CSMD1: variants seen among roughly 807,000 people sequenced by gnomAD.
CSMD1 encodes the protein CUB and sushi domain-containing protein 1.
In CSMD1, 213 loss-of-function variants were observed where a neutral mutation model predicts 417.5. The ratio of observed to expected loss-of-function variants is 0.51; its 90% CI spans 0.46 to 0.57. The LOEUF (loss-of-function observed/expected upper bound fraction) is 0.57. Ranked by LOEUF, CSMD1 falls within the 20% of genes least tolerant of loss-of-function variation. CSMD1 has a pLI of 0.00. For synonymous variants in CSMD1, 2,862 were observed against 1,736.8 expected (o/e 1.65, Z -16.11); for missense variants, 6,923 against 4,529.7 (o/e 1.53, Z -15.17).
intron 3 of CSMD1, among the ~76,000 whole-genome samples, chr8:4,239,650 G>T (rs147225212): frequency 1.3e-5 from 2 of 152,148 alleles, no homozygotes; most frequent in Non-Finnish European, 2.9e-5. Flanking sequence ...AGCCATGCTC[G>T]GGGTCACAGA....
At chr8:3,824,665 G>C (rs1238086152) in intron 5 of CSMD1, among the ~76,000 whole-genome samples, 2 of 152,042 alleles carry the variant, frequency 1.3e-5, no homozygotes, top group Non-Finnish European at 2.9e-5. Flanking sequence ...GTTATATATT[G>C]AGTTAATGAT....
chr8:4,153,376 G>C (rs1585434276), intron 3 of CSMD1, among the ~76,000 whole-genome samples: 1 of 152,306 alleles, frequency 6.6e-6, no homozygotes. Context: ...GGAAGCAACA[G>C]TGTAATACTC....
At chr8:3,949,869 C>G in intron 5 of CSMD1, 1 of 455,448 alleles carries the variant, frequency 2.2e-6, no homozygotes, top group South Asian at 1.6e-5. Flanking sequence ...ATGGCCTCCT[C>G]ATTCAGCCCC....
chr8:4,031,978 G>C lies in CSMD1; in HGVS notation c.537C>G (p.Gly179=), dbSNP rs372142170. The C allele has an allele frequency of 4.0e-5, 65 of 1,613,846 alleles. No individual in the cohort carries two copies. Among genetic ancestry groups the C allele is most frequent in the Non-Finnish European group, 5.3e-5 (62 of 1,179,906 alleles). The change falls in exon 4 of 70, where the codon GGC becomes GGG. Residue 179 remains glycine (G), a synonymous_variant. Transcript: ENST00000635120. ...TGACGATGCAGGTCAGGATGGCGTG[G>C]CCTTCCAAGATGTAGCCAGGGAGGC... ...YSCLPGYILE[G]HAILTCIVSP... is the part of the protein sequence containing the mutation.
chr8:4,535,401 G>T (rs540986484), intron 2 of CSMD1, among the ~76,000 whole-genome samples: 1 of 152,138 alleles, frequency 6.6e-6, no homozygotes, highest in South Asian at 2.1e-4. Flanking sequence ...GTCTTCCAAG[G>T]ATGAACAATA....
intron 2 of CSMD1, among the ~76,000 whole-genome samples, chr8:4,484,177 T>A (rs1405143329): frequency 1.3e-5 from 2 of 151,564 alleles, no homozygotes; most frequent in Non-Finnish European, 2.9e-5. Flanking sequence ...AGTGGAGTGA[T>A]TGGACTGCAG....
At chr8:4,318,610 A>C (rs970817036) in intron 3 of CSMD1, among the ~76,000 whole-genome samples, 2 of 151,992 alleles carry the variant, frequency 1.3e-5, no homozygotes, top group Admixed American at 1.3e-4. Flanking sequence ...ACCCTTATTG[A>C]ATTAGTAATT....
intron 17 of CSMD1, among the ~76,000 whole-genome samples, chr8:3,394,775 A>G (rs1018805904): frequency 6.6e-6 from 1 of 152,156 alleles, no homozygotes; most frequent in African/African-American, 2.4e-5. Flanking sequence ...AAAATGTAAA[A>G]TTTCCTGGTT....
At chr8:3,126,307 AAATAT>A (rs1273433879) in intron 41 of CSMD1, among the ~76,000 whole-genome samples, 2 of 152,214 alleles carry the variant, frequency 1.3e-5, no homozygotes, top group African/African-American at 4.8e-5. Context: ...TTCTTTGATA[AAATAT>A]TTCTCATTAA....
intron 2 of CSMD1, among the ~76,000 whole-genome samples, chr8:4,422,594 C>A (rs1797311959): frequency 6.6e-6 from 1 of 151,986 alleles, no homozygotes; most frequent in South Asian, 2.1e-4. Flanking sequence ...CTATTCTGGA[C>A]CCTGATCTCA....
intron 3 of CSMD1, among the ~76,000 whole-genome samples, chr8:4,040,605 T>G (rs1563352133): frequency 6.6e-6 from 1 of 152,172 alleles, no homozygotes; most frequent in African/African-American, 2.4e-5. Context: ...ATATATGGAT[T>G]GGGGAGACTT....
At chr8:3,023,288 T>C (rs1809593872) in intron 51 of CSMD1, among the ~76,000 whole-genome samples, 1 of 152,200 alleles carries the variant, frequency 6.6e-6, no homozygotes, top group South Asian at 2.1e-4. Flanking sequence ...AATTCCAGTG[T>C]AGCTCACTGA....
intron 2 of CSMD1, among the ~76,000 whole-genome samples, chr8:4,497,683 G>C (rs1346025913): frequency 2.6e-5 from 4 of 152,114 alleles, no homozygotes; most frequent in Non-Finnish European, 5.9e-5. Flanking sequence ...CCAATTAAAG[G>C]GAAGGCAGAG....
At chr8:4,306,732 A>G (rs886660831) in intron 3 of CSMD1, among the ~76,000 whole-genome samples, 1 of 152,058 alleles carries the variant, frequency 6.6e-6, no homozygotes, top group African/African-American at 2.4e-5. Flanking sequence ...CCTCTAAATG[A>G]GTGCCCGACC....
intron 1 of CSMD1, among the ~76,000 whole-genome samples, chr8:4,779,058 C>G (rs1017402886): frequency 3.3e-5 from 5 of 152,182 alleles, no homozygotes; most frequent in Non-Finnish European, 7.3e-5. Flanking sequence ...GAATTGACAG[C>G]TGTACATACA....
chr8:4,822,866 T>C (rs998749198), intron 1 of CSMD1, among the ~76,000 whole-genome samples: 4 of 152,156 alleles, frequency 2.6e-5, no homozygotes, highest in Admixed American at 2.0e-4. Context: ...AGATTGTCTT[T>C]TTCATAATAT....
At chr8:3,731,194 C>G (rs1796230279) in intron 6 of CSMD1, among the ~76,000 whole-genome samples, 1 of 152,184 alleles carries the variant, frequency 6.6e-6, no homozygotes, top group Admixed American at 6.5e-5. Context: ...ACCTCTTACC[C>G]ATTAAGCAGT....
chr8:3,336,469 A>T (rs1249027616), intron 23 of CSMD1, among the ~76,000 whole-genome samples: 1 of 152,244 alleles, frequency 6.6e-6, no homozygotes, highest in Non-Finnish European at 1.5e-5. Flanking sequence ...TGTGTTTTCT[A>T]CATAAGTTAG....
At chr8:3,714,474 G>A (rs1305631717) in intron 6 of CSMD1, among the ~76,000 whole-genome samples, 1 of 149,354 alleles carries the variant, frequency 6.7e-6, no homozygotes, top group Non-Finnish European at 1.5e-5. Context: ...TGTAATCCCA[G>A]CACTTTGGGA....
Sources: gnomAD v4.1 joint callset for allele counts (sites outside exome capture counted in the v4.1 genomes callset) on GRCh38, gnomAD v4.1.1 for gene constraint, MANE v1.5 for transcripts, NCBI Gene and HGNC (gene_info 2026-07-23, HGNC 2026-07-21) for gene names.